The following PARD3 variants were observed in gnomAD, a reference collection of about 807,000 sequenced individuals.
PARD3 encodes the protein par-3 family cell polarity regulator.
PARD3 carries 75 observed loss-of-function variants against 155.4 expected under a neutral mutation model. The observed-to-expected ratio is 0.48, with a 90% CI of 0.40 to 0.58. The LOEUF (loss-of-function observed/expected upper bound fraction) is 0.58. Ranked by LOEUF, PARD3 falls within the 20% of genes least tolerant of loss-of-function variation. The pLI is 0.00. For synonymous variants in PARD3, 576 were observed against 610.5 expected (o/e 0.94, Z 0.83); for missense variants, 1,642 against 1,721.7 (o/e 0.95, Z 0.82).
intron 2 of PARD3, among the ~76,000 whole-genome samples, chr10:34,585,624 C>T (rs542283877): frequency 2.0e-5 from 3 of 150,012 alleles, no homozygotes; most frequent in Admixed American, 6.7e-5. Context: ...TTGTGGTGTG[C>T]GGGTGTCATT....
intron 23 of PARD3, among the ~76,000 whole-genome samples, chr10:34,125,071 C>CTTTCTTTTTTTTTTTT (rs1554790399): frequency 2.8e-5 from 4 of 140,646 alleles, no homozygotes; most frequent in African/African-American, 1.1e-4. Context: ...CTATTTCTTT[C>CTTTCTTTTTTTTTTTT]TTTTTTTTTT....
chr10:34,709,552 G>A (rs1484057238), intron 1 of PARD3, among the ~76,000 whole-genome samples: 1 of 152,110 alleles, frequency 6.6e-6, no homozygotes, highest in Non-Finnish European at 1.5e-5. Context: ...CAGGATGGTG[G>A]TGGAGGCGGG....
intron 5 of PARD3, among the ~76,000 whole-genome samples, chr10:34,424,755 T>C (rs2075507565): frequency 1.3e-5 from 2 of 152,144 alleles, no homozygotes; most frequent in African/African-American, 2.4e-5. Context: ...CCTCAGGTGA[T>C]CCACCCACCT....
chr10:34,445,561 A>G (rs1399037493), intron 5 of PARD3, among the ~76,000 whole-genome samples: 1 of 152,170 alleles, frequency 6.6e-6, no homozygotes, highest in Non-Finnish European at 1.5e-5. Flanking sequence ...CTTCAACAGA[A>G]GCAAATCAAA....
chr10:34,709,530 G>A (rs1045476708), intron 1 of PARD3, among the ~76,000 whole-genome samples: 2 of 152,200 alleles, frequency 1.3e-5, no homozygotes. Flanking sequence ...AAGAAGAGTC[G>A]TGACTCTAAA....
At chr10:34,408,758 A>G (rs1401208326) in intron 5 of PARD3, among the ~76,000 whole-genome samples, 1 of 152,168 alleles carries the variant, frequency 6.6e-6, no homozygotes, top group African/African-American at 2.4e-5. Flanking sequence ...ATTTTAATTC[A>G]TGATCATTAT....
Position 34,733,482 on chromosome 10 carries a change from A to T in PARD3, c.121-37063T>A, listed in dbSNP as rs536852546. Among the ~76,000 whole-genome samples, 145 of 152,226 alleles carry T rather than the reference A, an allele frequency of 9.5e-4. 2 individuals are homozygous for T. The highest frequency in any genetic ancestry group is 3.3e-3 in the African/African-American group (138 of 41,554). ...AACAACTAGTGACAAACATGATTAGAGTTTTGTTTTGTTTCTTTTGAGATT... is the reference window on the plus strand; with the variant it reads ...AACAACTAGTGACAAACATGATTAGTGTTTTGTTTTGTTTCTTTTGAGATT... On this transcript the variant is annotated intron_variant, in intron 1 of 24. Transcript: ENST00000374788.
chr10:34,344,366 T>C, intron 15 of PARD3: 2 of 809,252 alleles, frequency 2.5e-6, no homozygotes, highest in Non-Finnish European at 3.0e-6. Flanking sequence ...CAATGCAAGC[T>C]CTGCCTCCTG....
At chr10:34,431,809 G>A (rs934515135) in intron 5 of PARD3, among the ~76,000 whole-genome samples, 23 of 139,458 alleles carry the variant, frequency 1.6e-4, no homozygotes, top group African/African-American at 5.9e-4. Context: ...CAGCAGTTTG[G>A]GAGGCCGAGG....
intron 1 of PARD3, among the ~76,000 whole-genome samples, chr10:34,783,472 C>T (rs1204805187): frequency 2.0e-5 from 3 of 151,636 alleles, no homozygotes; most frequent in Admixed American, 6.6e-5. Context: ...GGCGTGGTGG[C>T]GGGCGCCTGT....
intron 3 of PARD3, among the ~76,000 whole-genome samples, chr10:34,515,016 C>T (rs1000373394): frequency 3.3e-5 from 5 of 152,178 alleles, no homozygotes; most frequent in African/African-American, 1.2e-4. Context: ...AATAAAGACA[C>T]TATTTTCCAA....
chr10:34,342,488 C>CATCATT (rs1385827117), intron 15 of PARD3, among the ~76,000 whole-genome samples: 1 of 152,172 alleles, frequency 6.6e-6, no homozygotes, highest in African/African-American at 2.4e-5. Context: ...ATAGCAACAA[C>CATCATT]ATCATTATTA....
chr10:34,652,188 C>T (rs936883509), intron 2 of PARD3, among the ~76,000 whole-genome samples: 3 of 152,164 alleles, frequency 2.0e-5, no homozygotes, highest in South Asian at 2.1e-4. Flanking sequence ...AAGAAGCATA[C>T]GCCACTGCAC....
At chr10:34,805,865 TA>T (rs1345991155) in intron 1 of PARD3, among the ~76,000 whole-genome samples, 1 of 151,770 alleles carries the variant, frequency 6.6e-6, no homozygotes, top group African/African-American at 2.4e-5. Flanking sequence ...TAGTCCCAGC[TA>T]CTCGGGAGGC....
intron 20 of PARD3, among the ~76,000 whole-genome samples, chr10:34,301,392 C>T (rs1414384996): frequency 6.6e-6 from 1 of 152,144 alleles, no homozygotes; most frequent in East Asian, 1.9e-4. Flanking sequence ...TTAGTGACTG[C>T]ACTCTTTTGG....
intron 3 of PARD3, among the ~76,000 whole-genome samples, chr10:34,481,193 T>C (rs1227428646): frequency 1.7e-5 from 2 of 116,182 alleles, no homozygotes; most frequent in Non-Finnish European, 3.2e-5. Context: ...TATCCAACAG[T>C]TGTTTTATTT....
intron 5 of PARD3, among the ~76,000 whole-genome samples, chr10:34,410,406 G>T (rs77891043): frequency 0.066 from 9,998 of 151,750 alleles, 434 homozygotes; most frequent in Non-Finnish European, 0.093. Flanking sequence ...AATTTTTAAT[G>T]ATTCAATATT....
At chr10:34,616,372 C>T (rs912836799) in intron 2 of PARD3, among the ~76,000 whole-genome samples, 2 of 152,212 alleles carry the variant, frequency 1.3e-5, no homozygotes, top group East Asian at 1.9e-4. Context: ...AGCAACCCCA[C>T]TGCTGCATAT....
At chr10:34,281,958 T>A (rs1307237843) in intron 21 of PARD3, among the ~76,000 whole-genome samples, 1 of 151,998 alleles carries the variant, frequency 6.6e-6, no homozygotes, top group Non-Finnish European at 1.5e-5. Context: ...AGAATATAAG[T>A]AGTGGTTTAT....
Sources: allele counts gnomAD v4.1 joint callset (sites outside exome capture counted in the v4.1 genomes callset), GRCh38; gene constraint gnomAD v4.1.1; transcripts MANE v1.5; gene names NCBI Gene and HGNC (gene_info 2026-07-23, HGNC 2026-07-21).